Variants in DENND2B observed in about 807,000 individuals in gnomAD.
The protein encoded by DENND2B is DENN domain containing 2B, also known as DENN domain-containing protein 2B.
In DENND2B, 32 loss-of-function variants were observed where a neutral mutation model predicts 116.0. The observed-to-expected ratio is 0.28, with a 90% CI of 0.21 to 0.37. The LOEUF is 0.37. Ranked by LOEUF, DENND2B falls within the 10% of genes least tolerant of loss-of-function variation. DENND2B has a pLI of 1.00. For missense variants in DENND2B, 1,276 were observed against 1,477.7 expected (o/e 0.86, Z 2.24); for synonymous variants, 588 against 583.9 (o/e 1.01, Z -0.10).
chr11:8,700,597 C>T (rs538486062), intron 14 of DENND2B, among the ~76,000 whole-genome samples: 38 of 152,222 alleles, frequency 2.5e-4, no homozygotes, highest in South Asian at 1.7e-3. Context: ...CAAACCAGAA[C>T]GGGGATTTTC....
At chr11:8,800,297 G>A (rs747558348) in intron 1 of DENND2B, among the ~76,000 whole-genome samples, 5 of 152,070 alleles carry the variant, frequency 3.3e-5, no homozygotes, top group Non-Finnish European at 5.9e-5. Context: ...ACACATATTA[G>A]GTCACAAATT....
intron 18 of DENND2B, among the ~76,000 whole-genome samples, chr11:8,696,189 C>T (rs2133661074): frequency 6.6e-6 from 1 of 152,184 alleles, no homozygotes; most frequent in East Asian, 1.9e-4. Flanking sequence ...TGGCATGCTG[C>T]TCCTAGGTGG....
chr11:8,694,499 C>A, intron 19 of DENND2B: 1 of 466,072 alleles, frequency 2.1e-6, no homozygotes, highest in Admixed American at 2.4e-5. Context: ...AGCTCACTGG[C>A]TCTAATGGCC....
chr11:8,708,895 GAGCCGAGATCACACCATTGTACTTCC>G (rs1303532271), intron 11 of DENND2B, among the ~76,000 whole-genome samples: 1 of 146,396 alleles, frequency 6.8e-6, no homozygotes, highest in African/African-American at 2.5e-5. Flanking sequence ...AGGTTGCAGT[GAGCCGAGATCACACCATTGTACTTCC>G]AGCCTGGGCA....
At chr11:8,812,438 A>G (rs1737543191), upstream of DENND2B, among the ~76,000 whole-genome samples, 1 of 152,186 alleles carries the variant, frequency 6.6e-6, no homozygotes, top group Non-Finnish European at 1.5e-5. Context: ...TCTGTTCAAC[A>G]TGACAGGTCT....
intron 1 of DENND2B, among the ~76,000 whole-genome samples, chr11:8,893,612 C>T (rs1469410913): frequency 6.6e-6 from 1 of 152,138 alleles, no homozygotes; most frequent in Admixed American, 6.6e-5. Flanking sequence ...AACAGACAAA[C>T]AGAGAGCCAA....
At chr11:8,727,764 G>A (rs962525160) in intron 3 of DENND2B, among the ~76,000 whole-genome samples, 3 of 152,114 alleles carry the variant, frequency 2.0e-5, no homozygotes, top group Non-Finnish European at 2.9e-5. Context: ...ACTCAGCATC[G>A]TATGCAGGTA....
At chr11:8,729,156 C>T (rs950341602) in intron 3 of DENND2B, among the ~76,000 whole-genome samples, 4 of 152,128 alleles carry the variant, frequency 2.6e-5, no homozygotes, top group Non-Finnish European at 4.4e-5. Context: ...ACCCATCAGT[C>T]GTGGGGTTAG....
In DENND2B at chr11:8,718,329, A is replaced by G. The variant is rs2045447521; in HGVS notation, c.1478-437T>C. ...AGGTCACATGGCTGTCCCTTCACCC[A>G]ACTCTCAGGGGATCTCCCTGGGGAC... On this transcript the variant is annotated intron_variant, in intron 4 of 19. Transcript: ENST00000313726. The G allele has an allele frequency of 3.9e-6, 6 of 1,525,230 alleles. No homozygotes were observed. The East Asian group carries it at 1.5e-4, about 37-fold the overall frequency. The allele number at this position is 1,525,230 out of a possible 1,614,324, so 94.5% of individuals were successfully genotyped here.
At chr11:8,797,734 G>A (rs2059960528) in intron 1 of DENND2B, among the ~76,000 whole-genome samples, 1 of 152,040 alleles carries the variant, frequency 6.6e-6, no homozygotes. Context: ...ACAGGCATGA[G>A]CCACCATGCC....
intron 1 of DENND2B, among the ~76,000 whole-genome samples, chr11:8,893,196 A>T (rs995100312): frequency 1.3e-5 from 2 of 152,240 alleles, no homozygotes; most frequent in Admixed American, 1.3e-4. Flanking sequence ...AAAATTCAAC[A>T]GCCTTTCATG....
chr11:8,804,071 C>A (rs1028530811), intron 1 of DENND2B, among the ~76,000 whole-genome samples: 1 of 152,230 alleles, frequency 6.6e-6, no homozygotes, highest in African/African-American at 2.4e-5. Flanking sequence ...GAGCATCCCA[C>A]AGCAGGAGGA....
rs961458167 is a variant in DENND2B, at chr11:8,750,743, C to A, written c.-25-18G>T. The A allele has an allele frequency of 3.7e-6, 6 of 1,612,528 alleles. No homozygotes were observed. The highest frequency in any genetic ancestry group is 2.2e-5 in the East Asian group (1 of 44,880). On this transcript the variant is annotated intron_variant, in intron 1 of 19. Coordinates refer to ENST00000313726, the MANE Select transcript of DENND2B (RefSeq NM_213618.2). ...CCAGAGCCCTGCAAAGACGACAATG[C>A]CGGTAAGCCAAGTTTCTATAGGCAG...
At position 8,884,299 on chromosome 11, in the gene DENND2B, C is replaced by T. The variant is rs568066830; in HGVS notation, c.-255-3190G>A. ...ACTAACAGAAAAAAAAAAAAAAATCCTCTTCGGACTTCCTTTGTTTTTTTG... is the reference window on the plus strand; with the variant it reads ...ACTAACAGAAAAAAAAAAAAAAATCTTCTTCGGACTTCCTTTGTTTTTTTG... On this transcript the variant is annotated intron_variant, in intron 1 of 22. Transcript: ENST00000534127. Among the ~76,000 whole-genome samples the T allele has an allele frequency of 5.0e-4, 75 of 150,420 alleles. 1 individual carries two copies. Among genetic ancestry groups the T allele is most frequent in the African/African-American group, 1.7e-3 (72 of 41,192 alleles).
In DENND2B at chr11:8,717,722, G is replaced by A. The variant is rs368740910; in HGVS notation, c.1629+19C>T. ...GGCCCTCACGCTAACCCTACAGGCC[G>A]ATGTCAGGGCTGAGTTACCTGTGTG... On this transcript the variant is annotated intron_variant, in intron 5 of 19. Transcript: ENST00000313726. 1.9e-5 allele frequency: 29 copies of A among 1,530,816 alleles called. No homozygotes were observed. Among genetic ancestry groups the A allele is most frequent in the East Asian group, 1.4e-4 (6 of 43,074 alleles). The allele number at this position is 1,530,816 out of a possible 1,614,324, so 94.8% of individuals were successfully genotyped here. A position where few individuals can be genotyped will look rare whatever the true frequency, so the allele number is the denominator to read the frequency against.
chr11:8,886,971 G>T (rs143516085), intron 1 of DENND2B, among the ~76,000 whole-genome samples: 3,155 of 152,198 alleles, frequency 0.021, 45 homozygotes, highest in Middle Eastern at 0.034. Context: ...TGGGACTACA[G>T]GCATGTGCCA....
At chr11:8,801,547 TGCACCTATAATCTCA>T (rs2060312444) in intron 1 of DENND2B, among the ~76,000 whole-genome samples, 1 of 151,616 alleles carries the variant, frequency 6.6e-6, no homozygotes, top group African/African-American at 2.4e-5. Flanking sequence ...CATGGCAGCA[TGCACCTATAATCTCA>T]GCTACTCGGT....
chr11:8,709,586 C>A (rs140012167), intron 11 of DENND2B, among the ~76,000 whole-genome samples: 1 of 152,264 alleles, frequency 6.6e-6, no homozygotes, highest in Non-Finnish European at 1.5e-5. Flanking sequence ...ACGCCCTTTG[C>A]CCCTCCATGG....
chr11:8,710,759 A>AGGG (rs2043486139), intron 11 of DENND2B, 86 bp downstream of exon 11: 1 of 405,158 alleles, frequency 2.5e-6, no homozygotes, highest in Non-Finnish European at 3.7e-6. Context: ...AAGGGCACAC[A>AGGG]CACACACACA....
Sources: gnomAD v4.1 joint callset for allele counts (sites outside exome capture counted in the v4.1 genomes callset) on GRCh38, gnomAD v4.1.1 for gene constraint, MANE v1.5 for transcripts, NCBI Gene and HGNC (gene_info 2026-07-23, HGNC 2026-07-21) for gene names.